Variants in ZFC3H1 observed in about 807,000 individuals in gnomAD.
ZFC3H1 encodes zinc finger C3H1 domain-containing protein.
In ZFC3H1, 71 loss-of-function variants were observed where a neutral mutation model predicts 243.7. The observed-to-expected ratio is 0.29, with a 90% CI of 0.24 to 0.36. The LOEUF is 0.36. ZFC3H1 is among the 10% of genes least tolerant of loss of function. The pLI is 1.00. For synonymous variants in ZFC3H1, 838 were observed against 813.0 expected (o/e 1.03, Z -0.52); for missense variants, 1,966 against 2,317.1 (o/e 0.85, Z 3.11).
intron 5 of ZFC3H1, among the ~76,000 whole-genome samples, chr12:71,643,408 A>G (rs1149011): frequency 0.66 from 100,137 of 151,088 alleles, 35,447 homozygotes; most frequent in Non-Finnish European, 0.79. Context: ...GTAAGACTCC[A>G]TCTCAAAAAA....
At chr12:71,642,801 C>T (rs556626422) in intron 5 of ZFC3H1, among the ~76,000 whole-genome samples, 1 of 152,220 alleles carries the variant, frequency 6.6e-6, no homozygotes, top group African/African-American at 2.4e-5. Context: ...CGAAATCCCC[C>T]ATTGTTAGCT....
intron 6 of ZFC3H1, among the ~76,000 whole-genome samples, chr12:71,641,782 G>C (rs1378125465): frequency 6.6e-6 from 1 of 152,196 alleles, no homozygotes; most frequent in Non-Finnish European, 1.5e-5. Context: ...GACTAAAGCA[G>C]AAAGTATCTT....
chr12:71,629,050 G>C lies in ZFC3H1; in HGVS notation c.3827-13C>G. ...GTAAATGGAGGAGCTAAAGTAGATA[G>C]GAGAAGATTGTTAATTGATATAACT... On this transcript the variant is annotated splice_polypyrimidine_tract_variant and intron_variant, in intron 19 of 34. Transcript: ENST00000378743. The C allele has an allele frequency of 6.3e-7, 1 of 1,581,272 alleles. No homozygotes were observed. Among genetic ancestry groups the C allele is most frequent in the Non-Finnish European group, 8.5e-7 (1 of 1,169,886 alleles).
At position 71,610,733 on chromosome 12, in the gene ZFC3H1, AG is replaced by A; in HGVS notation, c.5793del (p.Leu1932TyrfsTer28). ...QREVHRLYQR[A>X]LQKLPLCASL... ...GATGCACAAAGAGGTAACTTCTGTA[AG>A]GCTCTCTGATATAAACGGTGGACCT... On this transcript the variant is annotated frameshift_variant, in exon 34 of 35. Transcript: ENST00000378743. LOFTEE classifies it high-confidence loss of function. 1 of 1,613,328 alleles carries A rather than the reference AG, an allele frequency of 6.2e-7. No homozygotes were observed. Among genetic ancestry groups the A allele is most frequent in the Non-Finnish European group, 8.5e-7 (1 of 1,179,610 alleles).
chr12:71,647,839 A>G, intron 2 of ZFC3H1, 26 bp from the exon 3 acceptor site: 3 of 941,990 alleles, frequency 3.2e-6, no homozygotes, highest in East Asian at 2.8e-5. Flanking sequence ...ATATCTTTTG[A>G]ATAATCCAAA....
rs1211771673 is a variant in ZFC3H1 at position 71,663,057 on chromosome 12, C to T, written c.554G>A (p.Ser185Asn). ...GGGCTCTCGCCAGCTCTGACTGCTG[C>T]TGAACCCGGATCCTGCTCCTCCTCC... ...PLGGGAGSGF[S>N]SSQSWREPSP... The change falls in exon 1 of 35, where the codon AGC (serine) becomes AAC (asparagine). Residue 185 changes from serine (S) to asparagine (N), a missense_variant. Physicochemically the swap from Ser to Asn is conservative, Grantham distance 46 (BLOSUM62 1). Around this residue, in one of 4 missense-constraint regions of ZFC3H1, gnomAD observed 484 missense variants for 449.7 expected, o/e 1.08. Coordinates refer to ENST00000378743, the MANE Select transcript of ZFC3H1 (RefSeq NM_144982.5). The T allele has an allele frequency of 6.8e-6, 11 of 1,613,166 alleles. No homozygotes were observed. The highest frequency in any genetic ancestry group is 9.3e-6 in the Non-Finnish European group (11 of 1,179,826).
In ZFC3H1 at chr12:71,644,955, A is replaced by G. The variant is rs773877807; in HGVS notation, c.1201T>C (p.Leu401=). The change falls in exon 4 of 35, where the codon TTG becomes CTG. Residue 401 remains leucine, a synonymous_variant. Transcript: ENST00000378743. ...QQVMKESKEK[L]TKTKTVQQKV... is the part of the protein sequence containing the mutation. ...TGCTGTACAGTTTTCGTCTTAGTCA[A>G]CTTTTCTTTGCTTTCTTTCATCACC... 8 of 1,613,098 alleles carry G rather than the reference A, an allele frequency of 5.0e-6. No homozygotes were observed. The highest frequency in any genetic ancestry group is 1.7e-5 in the Admixed American group (1 of 60,002).
intron 1 of ZFC3H1, among the ~76,000 whole-genome samples, chr12:71,657,884 G>A (rs1322500919): frequency 6.6e-6 from 1 of 151,982 alleles, no homozygotes; most frequent in Admixed American, 6.6e-5. Context: ...AGGTACTTGA[G>A]ACGCTGAGGC....
chr12:71,635,349 A>G, intron 10 of ZFC3H1, 94 bp downstream of exon 10: 4 of 1,444,976 alleles, frequency 2.8e-6, no homozygotes, highest in Non-Finnish European at 3.7e-6. Context: ...GTTATTAAAA[A>G]TCTATAACTT....
intron 21 of ZFC3H1, among the ~76,000 whole-genome samples, chr12:71,627,125 G>T (rs1322299896): frequency 2.2e-5 from 2 of 89,776 alleles, no homozygotes; most frequent in Non-Finnish European, 6.4e-5. Context: ...AAAGAAACGT[G>T]TAAAAAAAAA....
Position 71,619,942 on chromosome 12 carries a change from T to C in ZFC3H1, c.5033A>G (p.Lys1678Arg). The change falls in exon 26 of 35, where the codon AAA becomes AGA. Residue 1678 changes from lysine to arginine, a missense_variant. Around this residue, in one of 4 missense-constraint regions of ZFC3H1, gnomAD observed 1,383 missense variants for 1,723.7 expected, o/e 0.80. Coordinates refer to ENST00000378743, the MANE Select transcript of ZFC3H1 (RefSeq NM_144982.5). Reference protein sequence around the residue: ...QNAEVFYHMCKFFILQNRGDN... With the variant: ...QNAEVFYHMCRFFILQNRGDN... ...CATTTTTACCTGTAAGATGAAGAAT[T>C]TGCACATATGATAAAAAACCTCTGC... 2 of 1,588,782 alleles carry C rather than the reference T, an allele frequency of 1.3e-6. No homozygotes were observed. The highest frequency in any genetic ancestry group is 1.7e-6 in the Non-Finnish European group (2 of 1,166,054).
intron 24 of ZFC3H1, among the ~76,000 whole-genome samples, chr12:71,621,094 T>C (rs1451118356): frequency 6.6e-6 from 1 of 152,212 alleles, no homozygotes; most frequent in East Asian, 1.9e-4. Flanking sequence ...AGTCCCATTT[T>C]AATGACTCTA....
chr12:71,649,938 C>CA (rs1880836622), intron 2 of ZFC3H1, among the ~76,000 whole-genome samples: 1 of 152,234 alleles, frequency 6.6e-6, no homozygotes, highest in African/African-American at 2.4e-5. Context: ...CCTGTAATCC[C>CA]AGCACTTTGG....
In ZFC3H1 at chr12:71,629,595, ATATATGTACT is replaced by A; in HGVS notation, c.3826+4_3826+13del. On this transcript the variant is annotated splice_donor_5th_base_variant and intron_variant, in intron 19 of 34. Coordinates refer to ENST00000378743, the MANE Select transcript of ZFC3H1 (RefSeq NM_144982.5). ...CACACACACACACACACACACACTT[ATATATGTACT>A]TACTATGACCTTTACTTTCATTGAT... 1 of 1,523,172 alleles carries A rather than the reference ATATATGTACT, an allele frequency of 6.6e-7. No homozygotes were observed. Among genetic ancestry groups the A allele is most frequent in the Non-Finnish European group, 9.1e-7 (1 of 1,099,644 alleles). 94.4% of individuals were successfully genotyped at this position (1,523,172 alleles called of 1,614,324 possible). A position where few individuals can be genotyped will look rare whatever the true frequency, so the allele number is the denominator to read the frequency against.
chr12:71,626,662 A>G (rs929042623), intron 21 of ZFC3H1, among the ~76,000 whole-genome samples: 1 of 152,240 alleles, frequency 6.6e-6, no homozygotes, highest in African/African-American at 2.4e-5. Context: ...TTTTAAGTGA[A>G]TGTTCAGTAA....
intron 13 of ZFC3H1, 85 bp from the exon 14 acceptor site, chr12:71,633,102 G>C: frequency 6.9e-7 from 1 of 1,440,340 alleles, no homozygotes; most frequent in African/African-American, 1.5e-5. Flanking sequence ...TGGCTTTTGA[G>C]CATTCAACTG....
At position 71,620,023 on chromosome 12, in the gene ZFC3H1, T is replaced by A. The variant is rs753064879; in HGVS notation, c.4952A>T (p.Gln1651Leu). ...ALVALYLQTN[Q>L]HDKARAVWLT... ...CCACACTGCTCTGGCTTTGTCATGC[T>A]GATTTGTTTGCAAATATAATGCAAC... The change falls in exon 26 of 35, where the codon CAG becomes CTG. Residue 1651 changes from glutamine (Q) to leucine (L), a missense_variant. By Grantham distance (113) the Gln-to-Leu change is moderately radical. Transcript: ENST00000378743. 1 of 1,613,806 alleles carries A rather than the reference T, an allele frequency of 6.2e-7. No homozygotes were observed. The highest frequency in any genetic ancestry group is 1.3e-5 in the African/African-American group (1 of 75,034).
intron 14 of ZFC3H1, 85 bp downstream of exon 14, chr12:71,632,801 T>A (rs1880357013): frequency 2.6e-6 from 4 of 1,525,348 alleles, no homozygotes; most frequent in Non-Finnish European, 3.5e-6. Flanking sequence ...CAGCAAAGAG[T>A]TACTTTATAT....
Position 71,632,037 on chromosome 12 carries a change from C to A in ZFC3H1, c.3295G>T (p.Asp1099Tyr). 6.2e-7 allele frequency: 1 copy of A among 1,608,438 alleles called. No homozygotes were observed. The highest frequency in any genetic ancestry group is 1.1e-5 in the South Asian group (1 of 90,206). ...TTTAAAATCAGCTGTTTTAGGCTGT[C>A]AGCTTTTGAATACAATTTTTGCAAT... ...GELQKLYSKA[D>Y]SLKQLILKTT... The change falls in exon 15 of 35, where the codon GAC becomes TAC. Residue 1099 changes from aspartate (D) to tyrosine (Y), a missense_variant. Physicochemically the swap from Asp to Tyr is radical, Grantham distance 160. This residue lies in a region of ZFC3H1 where 1,383 missense variants were observed against 1,723.7 expected (regional missense o/e 0.80). Transcript: ENST00000378743.
Sources: gnomAD v4.1 joint callset for allele counts (sites outside exome capture counted in the v4.1 genomes callset) on GRCh38, gnomAD v4.1.1 for gene constraint, gnomAD v4.1.1 regional missense constraint, MANE v1.5 for transcripts, NCBI Gene and HGNC (gene_info 2026-07-23, HGNC 2026-07-21) for gene names.